Variants in LGR5 observed in about 807,000 individuals in gnomAD.
LGR5 encodes the protein leucine rich repeat containing G protein-coupled receptor 5, also known as leucine-rich repeat-containing G protein-coupled receptor 5.
LGR5 carries 54 observed loss-of-function variants against 76.7 expected under a neutral mutation model. The ratio of observed to expected loss-of-function variants is 0.70; its 90% CI spans 0.57 to 0.88. The LOEUF (loss-of-function observed/expected upper bound fraction) is 0.88. Ranked by LOEUF, LGR5 falls within the 40% of genes least tolerant of loss-of-function variation. LGR5 has a pLI of 0.00. For missense variants in LGR5, 1,078 were observed against 1,073.3 expected (o/e 1.00, Z -0.06); for synonymous variants, 406 against 421.9 (o/e 0.96, Z 0.46).
At chr12:71,540,356 A>G (rs143500448) in intron 4 of LGR5, among the ~76,000 whole-genome samples, 112 of 152,350 alleles carry the variant, frequency 7.4e-4, no homozygotes, top group African/African-American at 2.5e-3. Flanking sequence ...TCGCAAAGGT[A>G]ATAGGTTGGC....
chr12:71,493,369 T>C (rs190528289), intron 1 of LGR5, among the ~76,000 whole-genome samples: 12 of 151,462 alleles, frequency 7.9e-5, no homozygotes, highest in Admixed American at 7.9e-4. Flanking sequence ...CACAGGGTCA[T>C]AGACTCCTAT....
intron 1 of LGR5, among the ~76,000 whole-genome samples, chr12:71,471,883 T>C (rs1873119230): frequency 6.6e-6 from 1 of 152,168 alleles, no homozygotes; most frequent in African/African-American, 2.4e-5. Flanking sequence ...TAAAAGAGTA[T>C]GTAGTATATT....
At chr12:71,497,758 G>A (rs985624093) in intron 1 of LGR5, among the ~76,000 whole-genome samples, 3 of 152,200 alleles carry the variant, frequency 2.0e-5, no homozygotes, top group Non-Finnish European at 4.4e-5. Flanking sequence ...ATACTTAGAA[G>A]AAATAGGAAT....
chr12:71,556,476 A>G (rs1877770036), intron 5 of LGR5, 143 bp from the exon 6 acceptor site: 12 of 626,120 alleles, frequency 1.9e-5, no homozygotes. Flanking sequence ...GTATGAGTGA[A>G]TGCAGCATAT....
Position 71,578,925 on chromosome 12 carries a change from C to T in LGR5, c.1402C>T (p.Leu468Phe). Residue 468 changes from leucine (L) to phenylalanine (F), a missense_variant, in exon 15 of 18, where the codon CTC becomes TTC. Physicochemically the swap from Leu to Phe is conservative, Grantham distance 22 (BLOSUM62 0). Coordinates refer to ENST00000266674, the MANE Select transcript of LGR5 (RefSeq NM_003667.4). Reference protein sequence around the residue: ...SLISSENFPELKVIEMPYAYQ... With the variant: ...SLISSENFPEFKVIEMPYAYQ... Reference sequence around the variant, plus strand: ...GATATCATCTGAAAACTTTCCAGAACTCAAGTGAGTTTGTCATTAAAACTA... The same window carrying T: ...GATATCATCTGAAAACTTTCCAGAATTCAAGTGAGTTTGTCATTAAAACTA... 1 of 1,598,568 alleles carries T rather than the reference C, an allele frequency of 6.3e-7. No homozygotes were observed. Among genetic ancestry groups the T allele is most frequent in the South Asian group, 1.1e-5 (1 of 87,712 alleles).
intron 3 of LGR5, among the ~76,000 whole-genome samples, chr12:71,529,467 C>G (rs1198513944): frequency 1.3e-5 from 2 of 152,118 alleles, no homozygotes; most frequent in East Asian, 1.9e-4. Flanking sequence ...CACCTCCCAC[C>G]AGGTCCCTCC....
At chr12:71,511,197 T>C (rs1875138926) in intron 2 of LGR5, among the ~76,000 whole-genome samples, 2 of 152,246 alleles carry the variant, frequency 1.3e-5, no homozygotes, top group Non-Finnish European at 2.9e-5. Context: ...CTCATATAGA[T>C]GACCCCCAAA....
At chr12:71,473,246 G>A (rs921940364) in intron 1 of LGR5, among the ~76,000 whole-genome samples, 2 of 152,152 alleles carry the variant, frequency 1.3e-5, no homozygotes, top group Non-Finnish European at 2.9e-5. Flanking sequence ...TCATAGAAAT[G>A]TTGGTTGAGT....
chr12:71,517,588 T>A (rs1459386366), intron 2 of LGR5, among the ~76,000 whole-genome samples: 1 of 151,888 alleles, frequency 6.6e-6, no homozygotes, highest in Non-Finnish European at 1.5e-5. Flanking sequence ...TGAGAGCTGA[T>A]AAACACCTAG....
At chr12:71,578,721 G>A (rs114317617) in intron 14 of LGR5, 83 bp from the exon 15 acceptor site, 2 of 1,360,704 alleles carry the variant, frequency 1.5e-6, no homozygotes, top group Non-Finnish European at 2.0e-6. Context: ...GTAGTTTAAC[G>A]ATCTTTAGGT....
intron 1 of LGR5, among the ~76,000 whole-genome samples, chr12:71,464,420 T>C (rs1325227700): frequency 6.6e-6 from 1 of 152,158 alleles, no homozygotes; most frequent in Non-Finnish European, 1.5e-5. Flanking sequence ...ATATACAATC[T>C]GGTTAGGGGT....
At chr12:71,475,913 T>C (rs1873313425) in intron 1 of LGR5, among the ~76,000 whole-genome samples, 1 of 152,194 alleles carries the variant, frequency 6.6e-6, no homozygotes, top group South Asian at 2.1e-4. Context: ...AGATCTTTAT[T>C]CTATACATCC....
chr12:71,524,381 C>T, intron 2 of LGR5, 25 bp from the exon 3 acceptor site: 2 of 1,576,420 alleles, frequency 1.3e-6, no homozygotes, highest in South Asian at 1.1e-5. Context: ...TGCTCACTCT[C>T]TCTCCTCTCC....
At chr12:71,571,424 T>C (rs911079249) in intron 11 of LGR5, 90 bp from the exon 12 acceptor site, 15 of 926,488 alleles carry the variant, frequency 1.6e-5, no homozygotes, top group African/African-American at 9.9e-5. Flanking sequence ...TTGGGAGATA[T>C]AACATCTTGG....
intron 1 of LGR5, among the ~76,000 whole-genome samples, chr12:71,486,057 C>T (rs1873811605): frequency 6.6e-6 from 1 of 152,172 alleles, no homozygotes; most frequent in African/African-American, 2.4e-5. Context: ...AGCCAGCACG[C>T]CAGGCCAATT....
At chr12:71,532,533 G>A (rs1216750330) in intron 3 of LGR5, among the ~76,000 whole-genome samples, 3 of 152,080 alleles carry the variant, frequency 2.0e-5, no homozygotes, top group Admixed American at 6.5e-5. Flanking sequence ...AAACTCTCAG[G>A]CATGGTGTTA....
intron 11 of LGR5, 108 bp from the exon 12 acceptor site, chr12:71,571,406 G>A (rs1878604181): frequency 1.4e-6 from 1 of 707,712 alleles, no homozygotes; most frequent in Non-Finnish European, 2.3e-6. Flanking sequence ...AATGTTCAGA[G>A]TCTGCCTTTG....
intron 1 of LGR5, among the ~76,000 whole-genome samples, chr12:71,443,415 A>G (rs2137192386): frequency 6.6e-6 from 1 of 152,242 alleles, no homozygotes; most frequent in East Asian, 1.9e-4. Context: ...CGCTGGAAAA[A>G]TCTCAGTCTT....
At chr12:71,448,732 T>C (rs1054578357) in intron 1 of LGR5, 2 of 152,278 alleles carry the variant, frequency 1.3e-5, no homozygotes, top group African/African-American at 4.8e-5. Flanking sequence ...ATGAACTATT[T>C]TGTATATATA....
Sources: allele counts gnomAD v4.1 joint callset (sites outside exome capture counted in the v4.1 genomes callset), GRCh38; gene constraint gnomAD v4.1.1; transcripts MANE v1.5; gene names NCBI Gene and HGNC (gene_info 2026-07-23, HGNC 2026-07-21).